The following RYR2 variants were observed in gnomAD, a reference collection of about 807,000 sequenced individuals.
RYR2 encodes the protein cardiac muscle ryanodine receptor-calcium release channel.
In RYR2, 227 loss-of-function variants were observed where a neutral mutation model predicts 601.1. The ratio of observed to expected loss-of-function variants is 0.38; its 90% CI spans 0.34 to 0.42. The LOEUF (loss-of-function observed/expected upper bound fraction) is 0.42. Ranked by LOEUF, RYR2 falls within the 10% of genes least tolerant of loss-of-function variation. The pLI is 1.00. For synonymous variants in RYR2, 2,223 were observed against 2,175.1 expected (o/e 1.02, Z -0.61); for missense variants, 4,646 against 6,156.5 (o/e 0.75, Z 8.21).
chr1:237,779,983 T>A (rs528881425), intron 88 of RYR2, among the ~76,000 whole-genome samples: 6 of 152,342 alleles, frequency 3.9e-5, no homozygotes, highest in African/African-American at 1.4e-4. Context: ...AGTTAGTTAG[T>A]TAGGATTCTG....
At chr1:237,653,736 G>C (rs187844305) in intron 51 of RYR2, among the ~76,000 whole-genome samples, 1 of 152,192 alleles carries the variant, frequency 6.6e-6, no homozygotes, top group Non-Finnish European at 1.5e-5. Flanking sequence ...CTCAAAAGTA[G>C]GGAAGCCAAC....
chr1:237,456,661 A>G lies in RYR2; in HGVS notation c.1538A>G (p.His513Arg). ...TTGCACGTCTACAGCAGTGCAGCACACTTTGCTGATGTTGCTGGGCGAGAA... is the reference window on the plus strand; with the variant it reads ...TTGCACGTCTACAGCAGTGCAGCACGCTTTGCTGATGTTGCTGGGCGAGAA... ...DRLHVYSSAAHFADVAGREAG... is the reference protein window; with the variant it reads ...DRLHVYSSAARFADVAGREAG... Residue 513 changes from histidine (H) to arginine (R), a missense_variant, in exon 16 of 105, where the codon CAC becomes CGC. Around this residue, in one of 17 missense-constraint regions of RYR2, gnomAD observed 1,807 missense variants for 2,088.1 expected, o/e 0.87. Coordinates refer to ENST00000366574, the MANE Select transcript of RYR2 (RefSeq NM_001035.3). 6.2e-7 allele frequency: 1 copy of G among 1,613,516 alleles called. No homozygotes were observed. Among genetic ancestry groups the G allele is most frequent in the Non-Finnish European group, 8.5e-7 (1 of 1,179,638 alleles).
intron 1 of RYR2, among the ~76,000 whole-genome samples, chr1:237,081,742 C>T (rs1395233122): frequency 1.3e-5 from 2 of 152,040 alleles, no homozygotes; most frequent in Admixed American, 6.6e-5. Flanking sequence ...GGAGACTTAC[C>T]TCATTTATAT....
At chr1:237,830,412 G>C in intron 102 of RYR2, 118 bp from the exon 103 acceptor site, 1 of 693,244 alleles carries the variant, frequency 1.4e-6, no homozygotes, top group Non-Finnish European at 2.7e-6. Context: ...GCCTCCATGT[G>C]ATGATCTTTG....
Position 237,534,186 on chromosome 1 carries a change from G to A in RYR2, c.2906+3676G>A, listed in dbSNP as rs984723922. Among the ~76,000 whole-genome samples the A allele has an allele frequency of 2.0e-5, 3 of 151,934 alleles. No individual in the cohort carries two copies. In the South Asian group the frequency reaches 6.2e-4, roughly 32 times the overall value. On this transcript the variant is annotated intron_variant, in intron 25 of 104. Coordinates refer to ENST00000366574, the MANE Select transcript of RYR2 (RefSeq NM_001035.3). ...AAACTGATGTACTCTCCTTTTATCA[G>A]TTTCTAAATAAAATTGACCTTAAAC...
chr1:237,767,882 C>T (rs1166290725), intron 84 of RYR2, among the ~76,000 whole-genome samples: 1 of 152,054 alleles, frequency 6.6e-6, no homozygotes, highest in African/African-American at 2.4e-5. Context: ...TCTATGGCAG[C>T]GGGGTGCTTT....
intron 10 of RYR2, among the ~76,000 whole-genome samples, chr1:237,402,978 T>G (rs925565474): frequency 1.4e-5 from 2 of 143,140 alleles, no homozygotes; most frequent in African/African-American, 5.1e-5. Flanking sequence ...TAAATGATAT[T>G]ATAGATGGTC....
At chr1:237,474,276 CACACACACATATATATATAT>C (rs112610944) in intron 17 of RYR2, among the ~76,000 whole-genome samples, 62,088 of 142,626 alleles carry the variant, frequency 0.44, 15,443 homozygotes, top group East Asian at 0.67. Flanking sequence ...CCTACACACA[CACACACACATATATATATAT>C]ACACACACAC....
intron 25 of RYR2, among the ~76,000 whole-genome samples, chr1:237,538,465 A>G (rs962237204): frequency 4.3e-5 from 5 of 115,600 alleles, no homozygotes; most frequent in African/African-American, 1.4e-4. Flanking sequence ...TCAGAAGGAA[A>G]TGGTGTTTAA....
intron 25 of RYR2, among the ~76,000 whole-genome samples, chr1:237,539,942 A>G (rs1437036222): frequency 6.6e-6 from 1 of 152,166 alleles, no homozygotes; most frequent in African/African-American, 2.4e-5. Flanking sequence ...CCAATTTCTG[A>G]TATATAATAG....
At chr1:237,081,565 T>G (rs955191648) in intron 1 of RYR2, among the ~76,000 whole-genome samples, 8 of 151,850 alleles carry the variant, frequency 5.3e-5, no homozygotes, top group African/African-American at 9.7e-5. Flanking sequence ...ATTTAGACAT[T>G]TCTCATGCAT....
In RYR2 at chr1:237,791,493, A is replaced by G. The variant is rs397516511; in HGVS notation, c.13541A>G (p.Asn4514Ser). ...MLALFVAFAINFILLFYKVST... is the reference protein window; with the variant it reads ...MLALFVAFAISFILLFYKVST... ...GCCTTATTTGTCGCATTTGCTATCA[A>G]TTTCATCTTGCTCTTTTATAAGGTA... The change falls in exon 93 of 105, where the codon AAT becomes AGT. Residue 4514 changes from asparagine (N) to serine (S), a missense_variant. Asn to Ser is a conservative substitution (Grantham distance 46, BLOSUM62 1). Transcript: ENST00000366574. The G allele has an allele frequency of 3.8e-6, 6 of 1,559,252 alleles. No homozygotes were observed. The highest frequency in any genetic ancestry group is 5.2e-6 in the Non-Finnish European group (6 of 1,143,746).
chr1:237,119,985 G>A (rs903857096), intron 1 of RYR2, among the ~76,000 whole-genome samples: 3 of 152,144 alleles, frequency 2.0e-5, no homozygotes, highest in Non-Finnish European at 4.4e-5. Context: ...ATGTTTTTGG[G>A]TCATGTAGAC....
At chr1:237,792,366 T>TGTGTGTGTGCGCGC (rs1553327291) in intron 94 of RYR2, 43 bp downstream of exon 94, 9,625 of 800,744 alleles carry the variant, frequency 0.012, 130 homozygotes, top group East Asian at 0.071. Flanking sequence ...TGTGTGTGTG[T>TGTGTGTGTGCGCGC]GTGTGTGTGT....
At chr1:237,730,441 G>A (rs778839651) in intron 77 of RYR2, 85 bp downstream of exon 77, 9 of 695,072 alleles carry the variant, frequency 1.3e-5, no homozygotes, top group Admixed American at 7.6e-5. Context: ...ATATAACATT[G>A]AAGGAAAAAA....
intron 12 of RYR2, among the ~76,000 whole-genome samples, chr1:237,440,788 C>T (rs573586115): frequency 7.9e-5 from 12 of 152,050 alleles, no homozygotes; most frequent in African/African-American, 2.7e-4. Context: ...GTGTTTATCC[C>T]GGGGACACTA....
intron 1 of RYR2, among the ~76,000 whole-genome samples, chr1:237,139,820 T>C (rs1217230090): frequency 1.3e-5 from 2 of 152,232 alleles, no homozygotes; most frequent in East Asian, 3.8e-4. Context: ...TTCAAATAAT[T>C]TGACAGACTC....
chr1:237,065,463 T>TC (rs55732966), intron 1 of RYR2, among the ~76,000 whole-genome samples: 117,228 of 151,308 alleles, frequency 0.77, 45,972 homozygotes, highest in East Asian at 0.99. Flanking sequence ...TTGGTATTTT[T>TC]TTTAGTAGAG....
At chr1:237,720,229 T>A (rs1285757846) in intron 73 of RYR2, among the ~76,000 whole-genome samples, 1 of 152,238 alleles carries the variant, frequency 6.6e-6, no homozygotes, top group Non-Finnish European at 1.5e-5. Context: ...GAGGAATTTT[T>A]TTTAATTATG....
Sources: gnomAD v4.1 joint callset for allele counts (sites outside exome capture counted in the v4.1 genomes callset) on GRCh38, gnomAD v4.1.1 for gene constraint, gnomAD v4.1.1 regional missense constraint, MANE v1.5 for transcripts, NCBI Gene and HGNC (gene_info 2026-07-23, HGNC 2026-07-21) for gene names.